The following FRAS1 variants were observed in gnomAD, a reference collection of about 807,000 sequenced individuals.
FRAS1 encodes extracellular matrix organizing protein FRAS1.
FRAS1 carries 290 observed loss-of-function variants against 435.2 expected under a neutral mutation model. The observed-to-expected ratio is 0.67, with a 90% confidence interval of 0.61 to 0.73. FRAS1 has a LOEUF of 0.73. FRAS1 is among the 30% of genes least tolerant of loss of function. The probability of loss-of-function intolerance (pLI) is 0.00; values close to 1 mark genes in which losing one functional copy is unlikely to be tolerated. For synonymous variants in FRAS1, 1,800 were observed against 1,851.0 expected (o/e 0.97, Z 0.71); for missense variants, 4,860 against 5,001.5 (o/e 0.97, Z 0.85).
chr4:78,263,047 T>C (rs1039209770), intron 6 of FRAS1, among the ~76,000 whole-genome samples: 3 of 152,224 alleles, frequency 2.0e-5, no homozygotes, highest in Non-Finnish European at 4.4e-5. Flanking sequence ...CCATTGTTTG[T>C]TGGCCCGTGT....
At chr4:78,362,321 G>C (rs1731100988) in intron 20 of FRAS1, among the ~76,000 whole-genome samples, 1 of 152,252 alleles carries the variant, frequency 6.6e-6, no homozygotes, top group Non-Finnish European at 1.5e-5. Flanking sequence ...AAGGAGCTTT[G>C]CAGAGGGCTC....
chr4:78,284,704 T>C (rs1164052993), intron 13 of FRAS1, among the ~76,000 whole-genome samples, 156 bp downstream of exon 13: 2 of 152,166 alleles, frequency 1.3e-5, no homozygotes, highest in African/African-American at 4.8e-5. Context: ...CTCTAGAAGG[T>C]AGTAATGTCA....
intron 33 of FRAS1, 72 bp downstream of exon 33, chr4:78,419,135 T>G: frequency 1.2e-6 from 1 of 820,018 alleles, no homozygotes; most frequent in Non-Finnish European, 1.9e-6. Flanking sequence ...TTAATATCTC[T>G]GGAGTTTTGT....
chr4:78,206,038 GGTGA>G (rs1723240569), intron 2 of FRAS1, among the ~76,000 whole-genome samples: 1 of 152,034 alleles, frequency 6.6e-6, no homozygotes, highest in Admixed American at 6.6e-5. Context: ...CCTGTGACAG[GGTGA>G]GTAACGGCCC....
At chr4:78,254,977 G>A (rs1293063150) in intron 5 of FRAS1, among the ~76,000 whole-genome samples, 6 of 152,136 alleles carry the variant, frequency 3.9e-5, no homozygotes, top group African/African-American at 9.7e-5. Flanking sequence ...CATTGGGATG[G>A]AGTGGAGGAG....
At chr4:78,449,699 T>G (rs1216967011) in intron 44 of FRAS1, among the ~76,000 whole-genome samples, 1 of 152,172 alleles carries the variant, frequency 6.6e-6, no homozygotes, top group East Asian at 1.9e-4. Flanking sequence ...TTTTCACTAC[T>G]TTGTCTGACA....
intron 20 of FRAS1, among the ~76,000 whole-genome samples, chr4:78,358,575 C>G (rs1730954796): frequency 6.6e-6 from 1 of 152,056 alleles, no homozygotes; most frequent in Non-Finnish European, 1.5e-5. Flanking sequence ...TTTTTCTCTT[C>G]AAATGAAATT....
chr4:78,458,530 A>T lies in FRAS1; in HGVS notation c.6764-5491A>T, dbSNP rs183392957. On this transcript the variant is annotated intron_variant, in intron 47 of 73. Coordinates refer to ENST00000512123, the MANE Select transcript of FRAS1 (RefSeq NM_025074.7). ...ACACTGGGTATGCTTGGACATAGAGATGGGAACCTTAGACACTGGGGAGGG... is the reference window on the plus strand; with the variant it reads ...ACACTGGGTATGCTTGGACATAGAGTTGGGAACCTTAGACACTGGGGAGGG... Among the ~76,000 whole-genome samples, 73 of 152,246 alleles carry T rather than the reference A, an allele frequency of 4.8e-4. 1 individual carries two copies. The East Asian group carries it at 0.01, about 21-fold the overall frequency.
chr4:78,362,596 G>T (rs942882290), intron 20 of FRAS1, among the ~76,000 whole-genome samples: 1 of 152,210 alleles, frequency 6.6e-6, no homozygotes, highest in African/African-American at 2.4e-5. Context: ...GTTTCCCTCC[G>T]CTGGTGAGGG....
At chr4:78,116,939 A>C (rs188001949) in intron 2 of FRAS1, among the ~76,000 whole-genome samples, 1 of 152,196 alleles carries the variant, frequency 6.6e-6, no homozygotes, top group Non-Finnish European at 1.5e-5. Context: ...TGATCTTTAC[A>C]ATTTGGCATG....
At chr4:78,299,694 A>G (rs1728300369) in intron 14 of FRAS1, among the ~76,000 whole-genome samples, 1 of 152,158 alleles carries the variant, frequency 6.6e-6, no homozygotes, top group Admixed American at 6.5e-5. Context: ...AGAAGTGATC[A>G]TTCCACTGCC....
intron 14 of FRAS1, among the ~76,000 whole-genome samples, chr4:78,306,401 T>C (rs986681033): frequency 8.8e-5 from 12 of 137,008 alleles, no homozygotes; most frequent in South Asian, 2.4e-4. Context: ...TGAATCTGAA[T>C]GTTGGCCTGC....
intron 29 of FRAS1, among the ~76,000 whole-genome samples, chr4:78,398,999 G>T (rs1173087085): frequency 6.6e-6 from 1 of 152,080 alleles, no homozygotes; most frequent in Admixed American, 6.5e-5. Context: ...AAAAACCTGG[G>T]CCCAAGTATA....
At chr4:78,086,817 G>C (rs1249068404) in intron 2 of FRAS1, among the ~76,000 whole-genome samples, 3 of 152,136 alleles carry the variant, frequency 2.0e-5, no homozygotes, top group African/African-American at 7.2e-5. Flanking sequence ...GGACCAGATG[G>C]ATTCACAGCC....
intron 2 of FRAS1, among the ~76,000 whole-genome samples, chr4:78,174,442 G>T (rs1383512208): frequency 6.6e-6 from 1 of 152,134 alleles, no homozygotes; most frequent in Non-Finnish European, 1.5e-5. Context: ...ACCAATGATG[G>T]CAGTGCAAAT....
Position 78,407,822 on chromosome 4 carries a change from G to A in FRAS1, c.4289G>A (p.Ser1430Asn). The change falls in exon 31 of 74, where the codon AGC becomes AAC. Residue 1430 changes from serine to asparagine, a missense_variant. Ser to Asn is a conservative substitution (Grantham distance 46). Coordinates refer to ENST00000512123, the MANE Select transcript of FRAS1 (RefSeq NM_025074.7). ...WYRHSGAPAQ[S>N]DSFRFEVSSA... is the part of the protein sequence containing the mutation. ...AGGCACTCAGGAGCCCCAGCCCAGAGCGACTCCTTCCGCTTCGAGGTACCC... is the reference window on the plus strand; with the variant it reads ...AGGCACTCAGGAGCCCCAGCCCAGAACGACTCCTTCCGCTTCGAGGTACCC... The A allele has an allele frequency of 6.2e-7, 1 of 1,606,214 alleles. No individual in the cohort carries two copies. Among genetic ancestry groups the A allele is most frequent in the Non-Finnish European group, 8.5e-7 (1 of 1,175,958 alleles).
At chr4:78,120,232 A>G (rs1040903537) in intron 2 of FRAS1, among the ~76,000 whole-genome samples, 1 of 152,194 alleles carries the variant, frequency 6.6e-6, no homozygotes, top group Non-Finnish European at 1.5e-5. Flanking sequence ...ATAACAAAAC[A>G]ACAACAACAA....
chr4:78,263,230 T>C (rs1726199903), intron 6 of FRAS1, among the ~76,000 whole-genome samples: 1 of 152,246 alleles, frequency 6.6e-6, no homozygotes, highest in Non-Finnish European at 1.5e-5. Context: ...CCAGCCCAGA[T>C]GGATCTCAGC....
At chr4:78,334,585 G>A (rs1046583790) in intron 19 of FRAS1, among the ~76,000 whole-genome samples, 3 of 151,416 alleles carry the variant, frequency 2.0e-5, no homozygotes, top group Non-Finnish European at 4.4e-5. Flanking sequence ...TGATCAGGCT[G>A]GTCGTGATCT....
Sources: allele counts gnomAD v4.1 joint callset (sites outside exome capture counted in the v4.1 genomes callset), GRCh38; gene constraint gnomAD v4.1.1; transcripts MANE v1.5; gene names NCBI Gene and HGNC (gene_info 2026-07-23, HGNC 2026-07-21).